Variants in GKAP1 observed in about 807,000 individuals in gnomAD.
GKAP1 encodes G kinase-anchoring protein 1.
GKAP1 carries 31 observed loss-of-function variants against 56.7 expected under a neutral mutation model. That is an observed-to-expected ratio of 0.55 (90% CI 0.41 to 0.74). The LOEUF is 0.74. Ranked by LOEUF, GKAP1 falls within the 30% of genes least tolerant of loss-of-function variation. The probability of loss-of-function intolerance (pLI) is 0.00; values close to 1 mark genes in which losing one functional copy is unlikely to be tolerated. For missense variants in GKAP1, 364 were observed against 402.3 expected (o/e 0.90, Z 0.82); for synonymous variants, 151 against 138.6 (o/e 1.09, Z -0.63).
At chr9:83,795,499 T>C (rs1944229488) in intron 4 of GKAP1, among the ~76,000 whole-genome samples, 2 of 152,182 alleles carry the variant, frequency 1.3e-5, no homozygotes, top group Non-Finnish European at 2.9e-5. Flanking sequence ...TTAGATTTTC[T>C]TTTTAATTGA....
intron 5 of GKAP1, among the ~76,000 whole-genome samples, chr9:83,785,721 A>G (rs1479199783): frequency 6.6e-6 from 1 of 152,194 alleles, no homozygotes; most frequent in Non-Finnish European, 1.5e-5. Flanking sequence ...TTGCTTGGAT[A>G]CTGCAACAGT....
At chr9:83,795,581 A>C (rs1409334123) in intron 4 of GKAP1, among the ~76,000 whole-genome samples, 2 of 132,332 alleles carry the variant, frequency 1.5e-5, no homozygotes, top group East Asian at 2.4e-4. Flanking sequence ...GTTATGTCTG[A>C]GAGTGTCTTT....
intron 12 of GKAP1, among the ~76,000 whole-genome samples, chr9:83,741,358 T>TCACACACACA (rs777468995): frequency 6.2e-4 from 92 of 147,702 alleles, no homozygotes; most frequent in African/African-American, 2.2e-3. Flanking sequence ...TAAATATATC[T>TCACACACACA]CTCACACACA....
chr9:83,759,315 G>C (rs886779326), intron 8 of GKAP1, among the ~76,000 whole-genome samples: 3 of 151,920 alleles, frequency 2.0e-5, no homozygotes, highest in African/African-American at 7.3e-5. Flanking sequence ...GGCTGGAAGG[G>C]AGTGGCATGA....
chr9:83,769,342 T>C (rs925627412), intron 7 of GKAP1, among the ~76,000 whole-genome samples: 13 of 152,126 alleles, frequency 8.5e-5, no homozygotes, highest in Non-Finnish European at 1.5e-4. Context: ...TATATAACAA[T>C]TCCATCACCC....
intron 2 of GKAP1, among the ~76,000 whole-genome samples, chr9:83,811,463 T>C (rs529334626): frequency 9.2e-4 from 140 of 152,292 alleles, no homozygotes; most frequent in African/African-American, 3.3e-3. Flanking sequence ...GTTTCTTGAA[T>C]GAATGAAAAG....
At chr9:83,792,988 T>C (rs1944187157) in intron 4 of GKAP1, 1 of 1,280,108 alleles carries the variant, frequency 7.8e-7, no homozygotes, top group Non-Finnish European at 1.0e-6. Context: ...CCCCTTCCTC[T>C]TGACTTCCTC....
chr9:83,800,292 TAA>T (rs869060430), intron 3 of GKAP1, among the ~76,000 whole-genome samples: 1 of 140,856 alleles, frequency 7.1e-6, no homozygotes, highest in Non-Finnish European at 1.5e-5. Flanking sequence ...AGGAGCAGTT[TAA>T]AAAAAAAAAA....
intron 6 of GKAP1, among the ~76,000 whole-genome samples, chr9:83,781,886 C>T (rs1587719680): frequency 1.3e-5 from 2 of 151,046 alleles, no homozygotes; most frequent in Admixed American, 1.3e-4. Context: ...CCCTGTCGCC[C>T]AGGCTGGAGT....
At chr9:83,774,014 C>A (rs541745700) in intron 7 of GKAP1, among the ~76,000 whole-genome samples, 1 of 151,910 alleles carries the variant, frequency 6.6e-6, no homozygotes, top group Non-Finnish European at 1.5e-5. Flanking sequence ...TTGCTCTAGG[C>A]ACGTGCCATC....
chr9:83,805,841 G>C (rs560971603), intron 3 of GKAP1, among the ~76,000 whole-genome samples: 1 of 152,298 alleles, frequency 6.6e-6, no homozygotes, highest in African/African-American at 2.4e-5. Flanking sequence ...TTCAGGCAGG[G>C]TGTGGTGGCT....
intron 7 of GKAP1, among the ~76,000 whole-genome samples, chr9:83,776,093 A>G (rs930670555): frequency 5.9e-5 from 9 of 152,052 alleles, no homozygotes; most frequent in Non-Finnish European, 2.9e-5. Flanking sequence ...AAATGCCTGG[A>G]TCCAGTCAAC....
At chr9:83,791,405 A>G (rs941996619) in intron 4 of GKAP1, among the ~76,000 whole-genome samples, 1 of 150,424 alleles carries the variant, frequency 6.6e-6, no homozygotes, top group African/African-American at 2.4e-5. Context: ...TCCGTCTCAA[A>G]AAAAAAAAAA....
intron 4 of GKAP1, among the ~76,000 whole-genome samples, chr9:83,791,515 C>T (rs1198288387): frequency 1.3e-5 from 2 of 152,018 alleles, no homozygotes; most frequent in African/African-American, 4.8e-5. Context: ...TAATTGTTAA[C>T]ACAAACTAGT....
At chr9:83,775,691 C>T (rs1943846759) in intron 7 of GKAP1, among the ~76,000 whole-genome samples, 1 of 151,598 alleles carries the variant, frequency 6.6e-6, no homozygotes, top group African/African-American at 2.4e-5. Flanking sequence ...GCCTGAGCAA[C>T]CCAGTGAAAC....
At chr9:83,803,623 C>A (rs946125502) in intron 3 of GKAP1, among the ~76,000 whole-genome samples, 6 of 152,320 alleles carry the variant, frequency 3.9e-5, no homozygotes, top group South Asian at 2.1e-4. Context: ...CTCCCAGCCG[C>A]CTGCCTTGGC....
chr9:83,774,110 A>G (rs1345505513), intron 7 of GKAP1, among the ~76,000 whole-genome samples: 1 of 151,782 alleles, frequency 6.6e-6, no homozygotes, highest in African/African-American at 2.4e-5. Flanking sequence ...GCCTCAAGTG[A>G]TCCACCCGCC....
intron 8 of GKAP1, among the ~76,000 whole-genome samples, chr9:83,757,081 T>C (rs1223025816): frequency 6.6e-6 from 1 of 152,156 alleles, no homozygotes; most frequent in Non-Finnish European, 1.5e-5. Flanking sequence ...GTGTGAAATG[T>C]GCAGTAAGAA....
intron 2 of GKAP1, among the ~76,000 whole-genome samples, chr9:83,816,246 C>A (rs1200267803): frequency 6.6e-6 from 1 of 151,942 alleles, no homozygotes; most frequent in South Asian, 2.1e-4. Context: ...TACTAAAACT[C>A]TGCTCCAAAC....
Sources: allele counts gnomAD v4.1 joint callset (sites outside exome capture counted in the v4.1 genomes callset), GRCh38; gene constraint gnomAD v4.1.1; transcripts MANE v1.5; gene names NCBI Gene and HGNC (gene_info 2026-07-23, HGNC 2026-07-21).